Variants in SLC39A11 observed in about 807,000 individuals in gnomAD.
The protein encoded by SLC39A11 is solute carrier family 39 member 11, also known as zinc transporter ZIP11.
Under a neutral mutation model 36.1 loss-of-function variants are expected in SLC39A11, and 33 were observed. The ratio of observed to expected loss-of-function variants is 0.91; its 90% CI spans 0.69 to 1.22. The LOEUF is 1.22. Among genes scored for constraint, SLC39A11 ranks in the 50% most tolerant of loss-of-function variants. The pLI is 0.00. For synonymous variants in SLC39A11, 166 were observed against 170.3 expected (o/e 0.97, Z 0.20); for missense variants, 432 against 430.3 (o/e 1.00, Z -0.03).
chr17:72,764,539 G>A (rs930929514), intron 6 of SLC39A11, among the ~76,000 whole-genome samples: 2 of 152,094 alleles, frequency 1.3e-5, no homozygotes, highest in East Asian at 3.9e-4. Flanking sequence ...CAGGCCTTGT[G>A]TACCCCTTCA....
intron 6 of SLC39A11, among the ~76,000 whole-genome samples, chr17:72,759,419 G>A (rs919560964): frequency 2.6e-5 from 4 of 152,182 alleles, no homozygotes; most frequent in Non-Finnish European, 4.4e-5. Context: ...ATTTTAACTA[G>A]TAGAGCAGGA....
At chr17:72,684,923 G>C (rs73349415) in intron 7 of SLC39A11, among the ~76,000 whole-genome samples, 5,767 of 152,224 alleles carry the variant, frequency 0.038, 342 homozygotes, top group African/African-American at 0.13. Flanking sequence ...CTGATGACAC[G>C]TTAAGCTCAT....
intron 4 of SLC39A11, among the ~76,000 whole-genome samples, chr17:72,960,844 C>A (rs530167763): frequency 1.3e-5 from 2 of 151,866 alleles, no homozygotes; most frequent in Non-Finnish European, 2.9e-5. Flanking sequence ...AAAACCCTTC[C>A]TTTTTCTTCA....
At chr17:73,060,227 A>AAAAG (rs1568208339) in intron 3 of SLC39A11, among the ~76,000 whole-genome samples, 28 of 147,062 alleles carry the variant, frequency 1.9e-4, no homozygotes, top group South Asian at 1.3e-3. Context: ...AAAAAAAAAA[A>AAAAG]AAAGAAAGAA....
At chr17:72,814,065 A>C (rs1428592339) in intron 6 of SLC39A11, among the ~76,000 whole-genome samples, 3 of 152,222 alleles carry the variant, frequency 2.0e-5, no homozygotes, top group Admixed American at 6.5e-5. Context: ...TTCTAGAACA[A>C]CACGGCATGT....
At chr17:72,846,018 CTTTTTTT>C (rs569100122) in intron 6 of SLC39A11, among the ~76,000 whole-genome samples, 41 of 57,948 alleles carry the variant, frequency 7.1e-4, no homozygotes, top group East Asian at 1.2e-3. Flanking sequence ...CTCTCTCTCT[CTTTTTTT>C]TTTTTTTTTT....
At chr17:72,887,958 A>G (rs1197853889) in intron 5 of SLC39A11, among the ~76,000 whole-genome samples, 1 of 152,220 alleles carries the variant, frequency 6.6e-6, no homozygotes, top group African/African-American at 2.4e-5. Flanking sequence ...TTTCGAAGTG[A>G]TATTTTCCCC....
intron 5 of SLC39A11, among the ~76,000 whole-genome samples, chr17:72,918,254 T>C (rs560007058): frequency 2.0e-5 from 3 of 152,000 alleles, no homozygotes; most frequent in Admixed American, 6.5e-5. Flanking sequence ...ACCAAAAATA[T>C]AAAAATTAGC....
chr17:73,075,982 G>C (rs1209453061), intron 3 of SLC39A11, among the ~76,000 whole-genome samples: 1 of 152,146 alleles, frequency 6.6e-6, no homozygotes, highest in African/African-American at 2.4e-5. Context: ...TAAATTAGTT[G>C]ATCTAGGTAG....
intron 4 of SLC39A11, among the ~76,000 whole-genome samples, chr17:72,976,848 CAA>C (rs11420956): frequency 1.5e-5 from 2 of 131,058 alleles, no homozygotes; most frequent in Non-Finnish European, 1.6e-5. Flanking sequence ...GACTCCGTCT[CAA>C]AAAAAAAAAG....
chr17:72,689,092 G>A (rs2071893292), intron 7 of SLC39A11, among the ~76,000 whole-genome samples: 1 of 152,112 alleles, frequency 6.6e-6, no homozygotes, highest in Admixed American at 6.6e-5. Flanking sequence ...CCCCTCCCGA[G>A]CCCCTTGCCA....
intron 5 of SLC39A11, among the ~76,000 whole-genome samples, chr17:72,861,666 TATA>T (rs1184471593): frequency 9.3e-6 from 1 of 107,090 alleles, no homozygotes; most frequent in Non-Finnish European, 1.9e-5. Context: ...ATTATATATA[TATA>T]TATATATATA....
intron 6 of SLC39A11, among the ~76,000 whole-genome samples, chr17:72,743,297 T>C (rs7220449): frequency 0.19 from 29,451 of 152,130 alleles, 3,479 homozygotes; most frequent in African/African-American, 0.34. Context: ...AGCTACAACA[T>C]GGCCCCATGG....
chr17:72,966,005 C>G (rs1274774358), intron 4 of SLC39A11, among the ~76,000 whole-genome samples: 1 of 152,234 alleles, frequency 6.6e-6, no homozygotes, highest in African/African-American at 2.4e-5. Flanking sequence ...CAACCCCTCC[C>G]CATAAGTTTC....
At chr17:72,842,619 G>A (rs2078867838) in intron 6 of SLC39A11, among the ~76,000 whole-genome samples, 1 of 152,190 alleles carries the variant, frequency 6.6e-6, no homozygotes, top group Admixed American at 6.5e-5. Context: ...GTATGATACT[G>A]CATGGACAGC....
chr17:73,073,393 T>C (rs1290968837), intron 3 of SLC39A11, among the ~76,000 whole-genome samples: 2 of 152,118 alleles, frequency 1.3e-5, no homozygotes, highest in Non-Finnish European at 2.9e-5. Context: ...CCCCATGTCC[T>C]CTTCAGGCAC....
intron 7 of SLC39A11, among the ~76,000 whole-genome samples, chr17:72,670,712 G>A: frequency 6.6e-6 from 1 of 152,142 alleles, no homozygotes; most frequent in Non-Finnish European, 1.5e-5. Context: ...TGGCTCCCTT[G>A]TTCTTTTGAT....
intron 5 of SLC39A11, among the ~76,000 whole-genome samples, chr17:72,890,298 A>C (rs1251028022): frequency 1.4e-5 from 2 of 146,712 alleles, no homozygotes; most frequent in African/African-American, 5.0e-5. Context: ...AAAAAAAAAA[A>C]CCACCAGAGG....
intron 7 of SLC39A11, among the ~76,000 whole-genome samples, chr17:72,662,032 C>G (rs1365235358): frequency 6.6e-6 from 1 of 152,196 alleles, no homozygotes; most frequent in Admixed American, 6.5e-5. Context: ...ATCCTATGGG[C>G]TAGCCAAGTA....
Sources: allele counts gnomAD v4.1 joint callset (sites outside exome capture counted in the v4.1 genomes callset), GRCh38; gene constraint gnomAD v4.1.1; transcripts MANE v1.5; gene names NCBI Gene and HGNC (gene_info 2026-07-23, HGNC 2026-07-21).